TXNRD2: variants seen among roughly 807,000 people sequenced by gnomAD.
The protein encoded by TXNRD2 is thioredoxin reductase 2, mitochondrial.
Under a neutral mutation model 70.8 loss-of-function variants are expected in TXNRD2, and 67 were observed. The ratio of observed to expected loss-of-function variants is 0.95; its 90% CI spans 0.78 to 1.16. TXNRD2 has a LOEUF of 1.16. Ranked by LOEUF, TXNRD2 falls within the 50% of genes most tolerant of loss-of-function variation. TXNRD2 has a pLI of 0.00. For synonymous variants in TXNRD2, 301 were observed against 295.8 expected, an observed-to-expected ratio of 1.02 and a Z score of -0.18; for missense variants, 644 against 719.9, an observed-to-expected ratio of 0.89 and a Z score of 1.21.
intron 1 of TXNRD2, chr22:19,933,293 A>T (rs974392477): frequency 4.9e-5 from 22 of 446,678 alleles, no homozygotes; most frequent in Admixed American, 4.7e-4. Flanking sequence ...AATGGCTTTA[A>T]TATAAGTCTA....
chr22:19,896,774 G>A lies in TXNRD2; in HGVS notation c.775-1193C>T, dbSNP rs1234486837. 1.1e-4 allele frequency among the ~76,000 whole-genome samples: 17 copies of A among 152,362 alleles called. No homozygotes were observed. In the South Asian group the frequency reaches 3.5e-3, roughly 32 times the overall value. ...AACATCCTCTGACACCTGTGCGGGTGTGCCAGCTGGCTCTAGATGGCGTGT... is the reference window on the plus strand; with the variant it reads ...AACATCCTCTGACACCTGTGCGGGTATGCCAGCTGGCTCTAGATGGCGTGT... On this transcript the variant is annotated intron_variant, in intron 10 of 17. Coordinates refer to ENST00000400521, the MANE Select transcript of TXNRD2 (RefSeq NM_006440.5).
chr22:19,913,964 A>G (rs985853898), intron 7 of TXNRD2, among the ~76,000 whole-genome samples: 12 of 152,244 alleles, frequency 7.9e-5, no homozygotes, highest in Non-Finnish European at 1.6e-4. Flanking sequence ...AAGAGTCTAC[A>G]AAGTCAGTTC....
At chr22:19,941,638 C>T in intron 1 of TXNRD2, 63 bp downstream of exon 1, 1 of 1,392,178 alleles carries the variant, frequency 7.2e-7, no homozygotes, top group Non-Finnish European at 9.2e-7. Flanking sequence ...CGCGCGGACA[C>T]CCTCACGAGG....
intron 8 of TXNRD2, among the ~76,000 whole-genome samples, chr22:19,906,458 TA>T (rs1406788604): frequency 6.6e-6 from 1 of 151,554 alleles, no homozygotes. Flanking sequence ...GTCCTTGCCC[TA>T]AAAAAAATAA....
In TXNRD2 at chr22:19,878,954, G is replaced by A. The variant is rs117348520; in HGVS notation, c.1276-517C>T. The stretch of plus-strand genomic sequence containing the variant: ...GGCTCGACAGCGTGTCCGGGGCTGC[G>A]GCCAAGTAAAAAATGAGTGGGGCCC... On this transcript the variant is annotated intron_variant, in intron 14 of 17. Transcript: ENST00000400521. Among the ~76,000 whole-genome samples the A allele has an allele frequency of 1.0e-3, 156 of 152,286 alleles. 1 individual carries two copies. In the East Asian group the frequency reaches 0.015, roughly 15 times the overall value.
At chr22:19,909,902 C>CACCACT (rs1569094011) in intron 8 of TXNRD2, among the ~76,000 whole-genome samples, 2 of 95,116 alleles carry the variant, frequency 2.1e-5, no homozygotes, top group Admixed American at 2.1e-4. Flanking sequence ...CACACACACA[C>CACCACT]CACACACCCA....
At chr22:19,906,808 C>G (rs917867504) in intron 8 of TXNRD2, among the ~76,000 whole-genome samples, 1 of 150,438 alleles carries the variant, frequency 6.6e-6, no homozygotes, top group Non-Finnish European at 1.5e-5. Flanking sequence ...AGCACAGTCT[C>G]AGGAGAGTGT....
At chr22:19,922,654 T>C (rs16982759) in intron 2 of TXNRD2, among the ~76,000 whole-genome samples, 3,300 of 152,220 alleles carry the variant, frequency 0.022, 120 homozygotes, top group African/African-American at 0.075. Flanking sequence ...GTAGCTACTT[T>C]TCACAGCTAC....
chr22:19,938,118 G>A (rs1941592884), intron 1 of TXNRD2: 1 of 152,078 alleles, frequency 6.6e-6, no homozygotes, highest in Non-Finnish European at 1.5e-5. Flanking sequence ...GCCTTTAATT[G>A]TCCCCATGGG....
At chr22:19,893,306 G>A (rs1184518729) in intron 11 of TXNRD2, among the ~76,000 whole-genome samples, 1 of 152,246 alleles carries the variant, frequency 6.6e-6, no homozygotes. Context: ...AGGCCTCGGA[G>A]AACTAACAAC....
Position 19,877,971 on chromosome 22 carries a change from AC to A in TXNRD2, c.1445+118del, listed in dbSNP as rs932880035. 3.4e-6 allele frequency: 3 copies of A among 873,566 alleles called. No homozygotes were observed. The Admixed American group carries it at 6.0e-5, about 17-fold the overall frequency. The allele number at this position is 873,566 out of a possible 1,614,324, so 54.1% of individuals were successfully genotyped here. A position where few individuals can be genotyped will look rare whatever the true frequency, so the allele number is the denominator to read the frequency against. On this transcript the variant is annotated intron_variant, in intron 16 of 17. Transcript: ENST00000400521. ...GGGGCCTGAGGAATCTCTGCTGCAA[AC>A]CCACGAAGGCCACATAAATGCCGCA... is the stretch of plus-strand genomic sequence containing the variant.
intron 11 of TXNRD2, chr22:19,894,957 G>A (rs751030320): frequency 1.6e-5 from 23 of 1,401,320 alleles, no homozygotes; most frequent in South Asian, 1.0e-4. Flanking sequence ...GCGACAGAGC[G>A]AGACTCCATC....
chr22:19,940,087 CA>C (rs557266432), intron 1 of TXNRD2, among the ~76,000 whole-genome samples: 2 of 151,206 alleles, frequency 1.3e-5, no homozygotes, highest in East Asian at 3.9e-4. Flanking sequence ...ACTAAAAATA[CA>C]AAAAAAATTA....
chr22:19,897,071 G>C (rs1411280767), intron 10 of TXNRD2, among the ~76,000 whole-genome samples: 1 of 152,118 alleles, frequency 6.6e-6, no homozygotes, highest in African/African-American at 2.4e-5. Context: ...ACATCTGAAG[G>C]CTCTGAGGCC....
chr22:19,893,117 G>A (rs1463847595), intron 11 of TXNRD2, among the ~76,000 whole-genome samples: 1 of 152,186 alleles, frequency 6.6e-6, no homozygotes, highest in Non-Finnish European at 1.5e-5. Context: ...TGCTTCAGAA[G>A]TGCATCACCC....
chr22:19,906,198 A>G (rs1035015190), intron 8 of TXNRD2, among the ~76,000 whole-genome samples: 1 of 152,194 alleles, frequency 6.6e-6, no homozygotes, highest in Non-Finnish European at 1.5e-5. Context: ...TGTGCAGCAC[A>G]CATGGGCATG....
rs1569092976 is a variant in TXNRD2 at position 19,909,579 on chromosome 22, A to ACACACACAC, written c.662+1789_662+1797dup. On this transcript the variant is annotated intron_variant, in intron 8 of 17. Coordinates refer to ENST00000400521, the MANE Select transcript of TXNRD2 (RefSeq NM_006440.5). ...CACACTACTCACATACACACACCACACACACACACCACACACACCACTCAC... is the reference window on the plus strand; with the variant it reads ...CACACTACTCACATACACACACCACACACACACACCACACACACCACACACACCACTCAC... Among the ~76,000 whole-genome samples, 344 of 89,074 alleles carry ACACACACAC rather than the reference A, an allele frequency of 3.9e-3. 10 individuals are homozygous for ACACACACAC. Among genetic ancestry groups the ACACACACAC allele is most frequent in the African/African-American group, 0.016 (334 of 20,652 alleles). The allele number at this position is 89,074 out of a possible 152,430, so 58.4% of individuals were successfully genotyped here.
intron 5 of TXNRD2, chr22:19,916,199 C>G (rs920291932): frequency 5.9e-6 from 2 of 336,500 alleles, no homozygotes; most frequent in African/African-American, 4.3e-5. Flanking sequence ...CAGCAGGGAG[C>G]TGTGGTGCCC....
chr22:19,895,627 G>A, intron 10 of TXNRD2, 46 bp from the exon 11 acceptor site: 1 of 1,600,054 alleles, frequency 6.2e-7, no homozygotes, highest in East Asian at 2.2e-5. Context: ...GTGGCCGTGG[G>A]AGAGAGGCTC....
Sources: gnomAD v4.1 joint callset for allele counts (sites outside exome capture counted in the v4.1 genomes callset) on GRCh38, gnomAD v4.1.1 for gene constraint, MANE v1.5 for transcripts, NCBI Gene and HGNC (gene_info 2026-07-23, HGNC 2026-07-21) for gene names.